WDR70: variants seen among roughly 807,000 people sequenced by gnomAD.
The protein encoded by WDR70 is WD repeat-containing protein 70.
Under a neutral mutation model 88.6 loss-of-function variants are expected in WDR70, and 53 were observed. That is an observed-to-expected ratio of 0.60 (90% CI 0.48 to 0.75). The LOEUF is 0.75. Ranked by LOEUF, WDR70 falls within the 30% of genes least tolerant of loss-of-function variation. The pLI is 0.00. For synonymous variants in WDR70, 280 were observed against 270.0 expected (o/e 1.04, Z -0.36); for missense variants, 610 against 823.2 (o/e 0.74, Z 3.17).
At chr5:37,720,431 C>T (rs144578782) in intron 13 of WDR70, among the ~76,000 whole-genome samples, 1 of 152,282 alleles carries the variant, frequency 6.6e-6, no homozygotes, top group Non-Finnish European at 1.5e-5. Flanking sequence ...TCACTGAGAA[C>T]TTGTGGTTCT....
chr5:37,399,071 G>A (rs1216390695), intron 5 of WDR70, among the ~76,000 whole-genome samples: 1 of 152,200 alleles, frequency 6.6e-6, no homozygotes, highest in African/African-American at 2.4e-5. Context: ...GAGGTCAGGA[G>A]GTCGAGACCA....
intron 17 of WDR70, among the ~76,000 whole-genome samples, chr5:37,738,990 G>A (rs1198598025): frequency 6.6e-6 from 1 of 152,188 alleles, no homozygotes; most frequent in Admixed American, 6.5e-5. Context: ...ATGATTGGCA[G>A]CAATGACCAC....
At chr5:37,527,411 G>C (rs1741318388) in intron 9 of WDR70, among the ~76,000 whole-genome samples, 1 of 152,194 alleles carries the variant, frequency 6.6e-6, no homozygotes, top group East Asian at 1.9e-4. Context: ...AAATGATGCT[G>C]TGAAAACTGG....
chr5:37,410,486 G>A (rs937889888), intron 5 of WDR70, among the ~76,000 whole-genome samples: 3 of 151,996 alleles, frequency 2.0e-5, no homozygotes, highest in Non-Finnish European at 2.9e-5. Context: ...GATGCTAGCT[G>A]CATTTGCTAC....
rs978745227 is a variant in WDR70 at position 37,476,935 on chromosome 5, C to T, written c.687-2899C>T. Reference sequence around the variant, plus strand: ...CATTGCATAGCTGGGATTATGAGTACGAGCCACTGTCCCTGGCAGAATACT... The same window carrying T: ...CATTGCATAGCTGGGATTATGAGTATGAGCCACTGTCCCTGGCAGAATACT... On this transcript the variant is annotated intron_variant, in intron 7 of 17. Coordinates refer to ENST00000265107, the MANE Select transcript of WDR70 (RefSeq NM_018034.4). Among the ~76,000 whole-genome samples the T allele has an allele frequency of 5.9e-5, 9 of 152,194 alleles. No individual in the cohort carries two copies. The South Asian group carries it at 1.2e-3, about 21-fold the overall frequency.
intron 10 of WDR70, among the ~76,000 whole-genome samples, chr5:37,689,068 C>T (rs979432988): frequency 6.6e-6 from 1 of 152,164 alleles, no homozygotes; most frequent in African/African-American, 2.4e-5. Context: ...CACACCCACA[C>T]AGCCTTGCTC....
At chr5:37,679,207 C>T (rs979229827) in intron 10 of WDR70, among the ~76,000 whole-genome samples, 4 of 151,820 alleles carry the variant, frequency 2.6e-5, no homozygotes, top group Admixed American at 6.5e-5. Context: ...GTAGTTTGAT[C>T]GTCTGAAGCC....
chr5:37,380,405 C>T (rs1294818014), intron 2 of WDR70, among the ~76,000 whole-genome samples: 1 of 151,862 alleles, frequency 6.6e-6, no homozygotes, highest in African/African-American at 2.4e-5. Flanking sequence ...GTGGCAAGAT[C>T]TCGGCTCACT....
At chr5:37,472,462 A>G (rs1057241061) in intron 7 of WDR70, among the ~76,000 whole-genome samples, 1 of 152,104 alleles carries the variant, frequency 6.6e-6, no homozygotes, top group Non-Finnish European at 1.5e-5. Context: ...AATATACCAA[A>G]TGTACAAATT....
intron 9 of WDR70, among the ~76,000 whole-genome samples, chr5:37,555,850 C>T (rs1742281343): frequency 6.6e-6 from 1 of 152,164 alleles, no homozygotes; most frequent in South Asian, 2.1e-4. Context: ...TCCCGAGTAG[C>T]TGGGACTACA....
At chr5:37,447,550 A>G (rs983820340) in intron 7 of WDR70, among the ~76,000 whole-genome samples, 4 of 152,242 alleles carry the variant, frequency 2.6e-5, no homozygotes, top group African/African-American at 9.6e-5. Context: ...ATGTCCATCA[A>G]TGATAGACTG....
chr5:37,475,222 G>A (rs1337949983), intron 7 of WDR70, among the ~76,000 whole-genome samples: 1 of 142,298 alleles, frequency 7.0e-6, no homozygotes, highest in Admixed American at 7.2e-5. Context: ...ACCCATCCTT[G>A]TTCCTTGATT....
intron 8 of WDR70, among the ~76,000 whole-genome samples, chr5:37,483,101 G>GTTTT (rs35122146): frequency 7.7e-6 from 1 of 129,886 alleles, no homozygotes; most frequent in Non-Finnish European, 1.6e-5. Flanking sequence ...AGTGGTCTCA[G>GTTTT]TTTTTTTTTT....
At chr5:37,407,922 T>C (rs1397540278) in intron 5 of WDR70, among the ~76,000 whole-genome samples, 4 of 152,166 alleles carry the variant, frequency 2.6e-5, no homozygotes, top group Non-Finnish European at 5.9e-5. Context: ...GTTTTAAGTG[T>C]ATATTAGTTA....
intron 8 of WDR70, among the ~76,000 whole-genome samples, chr5:37,508,760 A>G (rs1347022088): frequency 6.6e-6 from 1 of 152,102 alleles, no homozygotes; most frequent in Non-Finnish European, 1.5e-5. Context: ...GTCATATGGT[A>G]CTTGATTTTG....
At chr5:37,661,444 C>G (rs1745697541) in intron 10 of WDR70, among the ~76,000 whole-genome samples, 1 of 152,194 alleles carries the variant, frequency 6.6e-6, no homozygotes, top group Admixed American at 6.5e-5. Flanking sequence ...TGCCTGCCAC[C>G]AGTGGATAGT....
intron 7 of WDR70, among the ~76,000 whole-genome samples, chr5:37,461,645 G>A (rs1338489394): frequency 9.9e-5 from 15 of 151,840 alleles, no homozygotes; most frequent in Admixed American, 9.2e-4. Context: ...CACCACACCC[G>A]GCTAATTTTT....
intron 13 of WDR70, among the ~76,000 whole-genome samples, chr5:37,709,993 ATAT>A (rs1332586469): frequency 6.6e-6 from 1 of 152,110 alleles, no homozygotes; most frequent in Non-Finnish European, 1.5e-5. Flanking sequence ...TAGAGGTATC[ATAT>A]TATGAAGGTT....
chr5:37,743,389 G>A (rs577083030), intron 17 of WDR70, among the ~76,000 whole-genome samples: 1 of 152,352 alleles, frequency 6.6e-6, no homozygotes, highest in Admixed American at 6.5e-5. Flanking sequence ...CCTCTCAGCT[G>A]GAATCTGCTT....
Sources: gnomAD v4.1 joint callset for allele counts (sites outside exome capture counted in the v4.1 genomes callset) on GRCh38, gnomAD v4.1.1 for gene constraint, MANE v1.5 for transcripts, NCBI Gene and HGNC (gene_info 2026-07-23, HGNC 2026-07-21) for gene names.